PLXDC2: variants seen among roughly 807,000 people sequenced by gnomAD.
The protein encoded by PLXDC2 is plexin domain-containing protein 2.
In PLXDC2, 40 loss-of-function variants were observed where a neutral mutation model predicts 68.9. The observed-to-expected ratio is 0.58, with a 90% confidence interval of 0.45 to 0.76. The LOEUF is 0.76. Ranked by LOEUF, PLXDC2 falls within the 30% of genes least tolerant of loss-of-function variation. The pLI, the probability that PLXDC2 is intolerant of heterozygous loss-of-function variation, is 0.00. For synonymous variants in PLXDC2, 243 were observed against 234.2 expected (o/e 1.04, Z -0.34); for missense variants, 644 against 661.9 (o/e 0.97, Z 0.30).
intron 3 of PLXDC2, among the ~76,000 whole-genome samples, chr10:20,064,441 C>T (rs766513550): frequency 9.2e-5 from 14 of 152,074 alleles, no homozygotes; most frequent in South Asian, 2.1e-4. Context: ...AGGATGGTCT[C>T]GATCTCCTGA....
In PLXDC2 at chr10:20,230,693, C is replaced by CAAAAAAAAAAAAAAAAAAAAAA. The variant is rs1191613913; in HGVS notation, c.1312+11612_1312+11613insAAAAAAAAAAAAAAAAAAAAAA. Among the ~76,000 whole-genome samples, 5 of 37,806 alleles carry CAAAAAAAAAAAAAAAAAAAAAA rather than the reference C, an allele frequency of 1.3e-4. 1 individual carries two copies. The highest frequency in any genetic ancestry group is 2.0e-4 in the Non-Finnish European group (4 of 19,848). 24.8% of individuals were successfully genotyped at this position (37,806 alleles called of 152,430 possible). A position where few individuals can be genotyped will look rare whatever the true frequency, so the allele number is the denominator to read the frequency against. On this transcript the variant is annotated intron_variant, in intron 12 of 13. Coordinates refer to ENST00000377252, the MANE Select transcript of PLXDC2 (RefSeq NM_032812.9). ...TGGGCTACAGAGTGAGACCTTGTCT[C>CAAAAAAAAAAAAAAAAAAAAAA]AAAAAAAAAAAAAAAAAAAAACAGG... is the stretch of plus-strand genomic sequence containing the variant.
chr10:20,019,865 T>C (rs1039696562), intron 2 of PLXDC2, among the ~76,000 whole-genome samples: 1 of 152,112 alleles, frequency 6.6e-6, no homozygotes, highest in Non-Finnish European at 1.5e-5. Flanking sequence ...AGACTATATA[T>C]GTGGAAAAAT....
At chr10:20,142,602 C>G (rs1045535526) in intron 4 of PLXDC2, among the ~76,000 whole-genome samples, 7 of 152,022 alleles carry the variant, frequency 4.6e-5, no homozygotes, top group Non-Finnish European at 1.0e-4. Context: ...AATTCCCTCT[C>G]ATTATCCAAC....
chr10:20,175,329 AAC>A (rs1160565895), intron 7 of PLXDC2, among the ~76,000 whole-genome samples: 1 of 152,202 alleles, frequency 6.6e-6, no homozygotes, highest in Non-Finnish European at 1.5e-5. Context: ...AGCCTGAGGC[AAC>A]ACAGATTCCT....
intron 9 of PLXDC2, among the ~76,000 whole-genome samples, chr10:20,201,606 A>G (rs1322256218): frequency 2.0e-5 from 3 of 152,080 alleles, no homozygotes; most frequent in African/African-American, 7.2e-5. Flanking sequence ...ATATTTTCAA[A>G]TAGTTAGAAG....
At chr10:19,991,924 T>A (rs1384631048) in intron 1 of PLXDC2, among the ~76,000 whole-genome samples, 1 of 152,192 alleles carries the variant, frequency 6.6e-6, no homozygotes, top group Non-Finnish European at 1.5e-5. Flanking sequence ...TCTCCCCTGG[T>A]TGGCGGACTC....
chr10:19,962,080 GAAAT>G (rs1834162669), intron 1 of PLXDC2, among the ~76,000 whole-genome samples: 1 of 152,128 alleles, frequency 6.6e-6, no homozygotes, highest in African/African-American at 2.4e-5. Flanking sequence ...AATGTGGAAA[GAAAT>G]AAATCAGGGA....
At chr10:20,000,443 A>G (rs1589578501) in intron 1 of PLXDC2, among the ~76,000 whole-genome samples, 1 of 152,060 alleles carries the variant, frequency 6.6e-6, no homozygotes, top group East Asian at 1.9e-4. Context: ...TAGATGGCAG[A>G]CATCATGGTA....
chr10:19,819,404 A>C (rs1836421712), intron 1 of PLXDC2, among the ~76,000 whole-genome samples: 2 of 152,224 alleles, frequency 1.3e-5, no homozygotes, highest in South Asian at 4.1e-4. Flanking sequence ...AGCTTACTGA[A>C]TATATAAAAA....
At chr10:19,972,087 T>G (rs1378104944) in intron 1 of PLXDC2, among the ~76,000 whole-genome samples, 1 of 152,162 alleles carries the variant, frequency 6.6e-6, no homozygotes, top group Non-Finnish European at 1.5e-5. Context: ...AGATATCATT[T>G]GAAATGGACT....
chr10:20,265,675 C>G (rs1446897516), intron 13 of PLXDC2, among the ~76,000 whole-genome samples: 1 of 152,086 alleles, frequency 6.6e-6, no homozygotes, highest in Admixed American at 6.6e-5. Flanking sequence ...TCATGTAAGT[C>G]ATTAAAAAGA....
intron 4 of PLXDC2, among the ~76,000 whole-genome samples, chr10:20,097,224 G>A (rs1484609376): frequency 2.6e-5 from 4 of 152,116 alleles, no homozygotes; most frequent in South Asian, 2.1e-4. Context: ...ATTTGAATCC[G>A]GAGACACTGA....
chr10:19,883,361 T>G (rs1365795710), intron 1 of PLXDC2, among the ~76,000 whole-genome samples: 3 of 152,198 alleles, frequency 2.0e-5, no homozygotes, highest in Non-Finnish European at 4.4e-5. Context: ...TAAGGTAGCC[T>G]TGGTGGCCAT....
At chr10:20,125,924 A>G (rs1189103562) in intron 4 of PLXDC2, among the ~76,000 whole-genome samples, 1 of 74,574 alleles carries the variant, frequency 1.3e-5, no homozygotes, top group Non-Finnish European at 2.7e-5. Context: ...CCTTGCAGAG[A>G]GAAATGAACA....
intron 3 of PLXDC2, among the ~76,000 whole-genome samples, chr10:20,051,587 T>TCC (rs1335608154): frequency 6.6e-6 from 1 of 151,894 alleles, no homozygotes; most frequent in Non-Finnish European, 1.5e-5. Context: ...TTGTCAGATC[T>TCC]GATTCCATCA....
intron 2 of PLXDC2, among the ~76,000 whole-genome samples, chr10:20,033,738 C>T (rs1264048236): frequency 6.6e-6 from 1 of 152,134 alleles, no homozygotes; most frequent in African/African-American, 2.4e-5. Flanking sequence ...CCCTCGAGTT[C>T]CTTCCCATGA....
rs777423020 is a variant in PLXDC2 at position 19,824,538 on chromosome 10, AATTAT to A, written c.112+7348_112+7352del. ...TCTGAGCACATTTTCCCAAAGCTGT[AATTAT>A]CTCTGTAGAGTACTCCATTCTGAGA... is the stretch of plus-strand genomic sequence containing the variant. On this transcript the variant is annotated intron_variant, in intron 1 of 13. Transcript: ENST00000377252. Among the ~76,000 whole-genome samples the A allele has an allele frequency of 4.2e-4, 64 of 152,218 alleles. 1 individual carries two copies. Among genetic ancestry groups the A allele is most frequent in the Non-Finnish European group, 7.6e-4 (52 of 68,038 alleles).
At chr10:20,080,826 A>G (rs995210602) in intron 4 of PLXDC2, among the ~76,000 whole-genome samples, 5 of 152,236 alleles carry the variant, frequency 3.3e-5, no homozygotes, top group Non-Finnish European at 7.3e-5. Flanking sequence ...ACACAGGCAC[A>G]TCCAAAGACA....
intron 4 of PLXDC2, among the ~76,000 whole-genome samples, chr10:20,073,086 C>T (rs1836365246): frequency 1.3e-5 from 2 of 152,114 alleles, no homozygotes; most frequent in Admixed American, 1.3e-4. Flanking sequence ...TAAGTAGAAA[C>T]ACAAAAGATG....
Sources: allele counts gnomAD v4.1 joint callset (sites outside exome capture counted in the v4.1 genomes callset), GRCh38; gene constraint gnomAD v4.1.1; transcripts MANE v1.5; gene names NCBI Gene and HGNC (gene_info 2026-07-23, HGNC 2026-07-21).